KLHL1: variants seen among roughly 807,000 people sequenced by gnomAD.
KLHL1 encodes kelch like family member 1.
KLHL1 carries 47 observed loss-of-function variants against 77.7 expected under a neutral mutation model. The ratio of observed to expected loss-of-function variants is 0.60; its 90% CI spans 0.48 to 0.77. The LOEUF is 0.77. Ranked by LOEUF, KLHL1 falls within the 30% of genes least tolerant of loss-of-function variation. The pLI, the probability that KLHL1 is intolerant of heterozygous loss-of-function variation, is 0.00. For synonymous variants in KLHL1, 360 were observed against 325.2 expected (o/e 1.11, Z -1.15); for missense variants, 925 against 910.8 (o/e 1.02, Z -0.20).
chr13:70,052,646 T>A (rs912137924), intron 1 of KLHL1, among the ~76,000 whole-genome samples: 1 of 151,980 alleles, frequency 6.6e-6, no homozygotes, highest in Non-Finnish European at 1.5e-5. Flanking sequence ...AATAAATTTT[T>A]AAAAATAACC....
Position 69,745,995 on chromosome 13 carries a change from G to A in KLHL1, c.1640-5439C>T, listed in dbSNP as rs115632543. Among the ~76,000 whole-genome samples, 678 of 151,372 alleles carry A rather than the reference G, an allele frequency of 4.5e-3. 8 individuals are homozygous for A. The highest frequency in any genetic ancestry group is 0.016 in the African/African-American group (643 of 41,454). On this transcript the variant is annotated intron_variant, in intron 7 of 10. Coordinates refer to ENST00000377844, the MANE Select transcript of KLHL1 (RefSeq NM_020866.3). Reference sequence around the variant, plus strand: ...TCATTTTATTAAGATTTTAACTTCCGGAGTAATGTTTGTTTGAAATTTTTA... The same window carrying A: ...TCATTTTATTAAGATTTTAACTTCCAGAGTAATGTTTGTTTGAAATTTTTA...
At chr13:69,796,008 G>C (rs1324063532) in intron 7 of KLHL1, among the ~76,000 whole-genome samples, 1 of 152,084 alleles carries the variant, frequency 6.6e-6, no homozygotes, top group East Asian at 1.9e-4. Flanking sequence ...CCTCTGGGTT[G>C]CACTACTTCG....
intron 6 of KLHL1, among the ~76,000 whole-genome samples, chr13:69,802,196 T>G (rs1398309268): frequency 6.6e-6 from 1 of 152,162 alleles, no homozygotes; most frequent in Non-Finnish European, 1.5e-5. Context: ...GGACATAAAT[T>G]CATTCTTTTT....
intron 1 of KLHL1, among the ~76,000 whole-genome samples, chr13:70,022,040 A>G (rs1028129981): frequency 2.0e-5 from 3 of 151,890 alleles, no homozygotes; most frequent in African/African-American, 7.3e-5. Flanking sequence ...GGTGTTATAG[A>G]TACAGACATT....
intron 3 of KLHL1, among the ~76,000 whole-genome samples, chr13:69,958,824 A>ATT (rs1484117190): frequency 6.6e-6 from 1 of 151,524 alleles, no homozygotes; most frequent in Non-Finnish European, 1.5e-5. Flanking sequence ...TCTGGAATAT[A>ATT]TTTATTTTTA....
intron 1 of KLHL1, among the ~76,000 whole-genome samples, chr13:70,101,614 A>G (rs1028117115): frequency 1.3e-5 from 2 of 152,008 alleles, no homozygotes; most frequent in Admixed American, 6.6e-5. Flanking sequence ...TTTTTAGTAG[A>G]GATGGGGTTT....
At chr13:70,103,995 T>C (rs904437580) in intron 1 of KLHL1, among the ~76,000 whole-genome samples, 8 of 152,210 alleles carry the variant, frequency 5.3e-5, no homozygotes, top group Non-Finnish European at 7.4e-5. Context: ...CTGTAAGAAT[T>C]CAGAATCTAA....
chr13:70,075,690 C>T (rs771919344), intron 1 of KLHL1, among the ~76,000 whole-genome samples: 4 of 138,062 alleles, frequency 2.9e-5, no homozygotes, highest in African/African-American at 1.1e-4. Context: ...TATACACACA[C>T]GTGTGTATAT....
At chr13:69,748,860 G>A (rs1874341381) in intron 7 of KLHL1, among the ~76,000 whole-genome samples, 1 of 151,880 alleles carries the variant, frequency 6.6e-6, no homozygotes, top group South Asian at 2.1e-4. Flanking sequence ...TATAAAATAT[G>A]TCATTACTCT....
chr13:69,956,545 C>T (rs1406887042), intron 3 of KLHL1, among the ~76,000 whole-genome samples: 3 of 151,444 alleles, frequency 2.0e-5, no homozygotes, highest in East Asian at 1.9e-4. Context: ...AGCAAGACAG[C>T]GATGAGTCAC....
At chr13:69,848,909 G>A (rs981063400) in intron 5 of KLHL1, among the ~76,000 whole-genome samples, 1 of 151,412 alleles carries the variant, frequency 6.6e-6, no homozygotes, top group African/African-American at 2.4e-5. Context: ...CAAGTAAAAT[G>A]GGTTTTGTGA....
chr13:70,005,480 T>G (rs1025439307), intron 1 of KLHL1, among the ~76,000 whole-genome samples: 2 of 152,046 alleles, frequency 1.3e-5, no homozygotes, highest in African/African-American at 4.8e-5. Flanking sequence ...TTTTGGATTT[T>G]TTTTAGCTCA....
intron 7 of KLHL1, among the ~76,000 whole-genome samples, chr13:69,783,789 A>G (rs1304163046): frequency 2.0e-5 from 3 of 147,138 alleles, no homozygotes; most frequent in Non-Finnish European, 1.5e-5. Flanking sequence ...TCCCCAATCT[A>G]GCAAGGCAGG....
intron 7 of KLHL1, among the ~76,000 whole-genome samples, chr13:69,753,516 A>G (rs1336117517): frequency 1.3e-5 from 2 of 152,184 alleles, no homozygotes; most frequent in Non-Finnish European, 2.9e-5. Context: ...TGACAAAAAT[A>G]ATACAGATGG....
At chr13:70,044,192 CTGTT>C (rs943752643) in intron 1 of KLHL1, among the ~76,000 whole-genome samples, 2 of 152,202 alleles carry the variant, frequency 1.3e-5, no homozygotes, top group Non-Finnish European at 2.9e-5. Flanking sequence ...CTTTTGGAGT[CTGTT>C]TGTATTTTTA....
At position 70,107,409 on chromosome 13, in the gene KLHL1, A is replaced by G. The variant is rs779321280; in HGVS notation, c.291T>C (p.Leu97=). The change falls in exon 1 of 11, where the codon CTT becomes CTC. Residue 97 remains leucine (L), a synonymous_variant. Transcript: ENST00000377844. The part of the protein sequence containing the change: ...SSFNPLNGTL[L]PVATRLQQGA... Reference sequence around the variant, plus strand: ...CTTGCTGCAGCCTCGTGGCAACTGGAAGCAGGGTGCCATTCAGCGGATTGA... The same window carrying G: ...CTTGCTGCAGCCTCGTGGCAACTGGGAGCAGGGTGCCATTCAGCGGATTGA... 5 of 1,612,804 alleles carry G rather than the reference A, an allele frequency of 3.1e-6. No individual in the cohort carries two copies. The highest frequency in any genetic ancestry group is 4.2e-6 in the Non-Finnish European group (5 of 1,180,002).
chr13:69,741,244 A>G (rs1652117961), intron 7 of KLHL1, among the ~76,000 whole-genome samples: 1 of 152,168 alleles, frequency 6.6e-6, no homozygotes, highest in Admixed American at 6.6e-5. Flanking sequence ...GTAAACTCAC[A>G]TCTTCATAAA....
chr13:69,734,275 C>T (rs1301167681), intron 8 of KLHL1, among the ~76,000 whole-genome samples: 1 of 152,142 alleles, frequency 6.6e-6, no homozygotes, highest in Non-Finnish European at 1.5e-5. Context: ...CCTTCTGCCA[C>T]CATTGTAAGT....
intron 1 of KLHL1, among the ~76,000 whole-genome samples, chr13:70,102,542 T>C (rs1676515590): frequency 6.6e-6 from 1 of 152,144 alleles, no homozygotes; most frequent in Admixed American, 6.5e-5. Context: ...TAACCTCAGA[T>C]GCTGCCTCTT....
Sources: gnomAD v4.1 joint callset for allele counts (sites outside exome capture counted in the v4.1 genomes callset) on GRCh38, gnomAD v4.1.1 for gene constraint, MANE v1.5 for transcripts, NCBI Gene and HGNC (gene_info 2026-07-23, HGNC 2026-07-21) for gene names.